Variants in CDH18 observed in about 807,000 individuals in gnomAD.
CDH18 encodes cadherin-18.
A neutral mutation model predicts 67.9 loss-of-function variants in CDH18; 31 were observed. The ratio of observed to expected loss-of-function variants is 0.46; its 90% confidence interval spans 0.34 to 0.62. CDH18 has a LOEUF of 0.62. Among genes scored for constraint, CDH18 ranks in the 20% least tolerant of loss-of-function variants. CDH18 has a pLI of 0.01. For missense variants in CDH18, 890 were observed against 975.5 expected (o/e 0.91, Z 1.17); for synonymous variants, 362 against 347.2 (o/e 1.04, Z -0.48).
intron 1 of CDH18, among the ~76,000 whole-genome samples, chr5:20,545,279 C>G (rs1283215955): frequency 6.6e-6 from 1 of 152,194 alleles, no homozygotes; most frequent in Non-Finnish European, 1.5e-5. Context: ...ATTGGATATA[C>G]ATTTCTGGGG....
At chr5:20,366,424 A>G (rs74856751) in intron 1 of CDH18, among the ~76,000 whole-genome samples, 6,775 of 152,134 alleles carry the variant, frequency 0.045, 268 homozygotes, top group South Asian at 0.16. Context: ...AACTATTGCG[A>G]TAACTTTTTA....
intron 4 of CDH18, among the ~76,000 whole-genome samples, chr5:19,744,503 TACACACACACACACACACAC>T (rs34059092): frequency 6.8e-6 from 1 of 146,270 alleles, no homozygotes; most frequent in Non-Finnish European, 1.5e-5. Context: ...TAACTCAGTG[TACACACACACACACACACAC>T]ACACACACAC....
intron 4 of CDH18, among the ~76,000 whole-genome samples, chr5:19,734,328 A>G (rs1304620002): frequency 6.6e-6 from 1 of 152,146 alleles, no homozygotes; most frequent in Non-Finnish European, 1.5e-5. Context: ...GTACCCTTCT[A>G]TTTCCAAAGC....
chr5:19,502,891 TG>T, intron 11 of CDH18, 100 bp downstream of exon 11: 1 of 790,700 alleles, frequency 1.3e-6, no homozygotes, highest in Admixed American at 1.7e-5. Flanking sequence ...CTTTGAATGC[TG>T]ATTTGCAAGA....
chr5:20,022,824 A>T lies in CDH18; in HGVS notation c.-517-30810T>A, dbSNP rs367928735. On this transcript the variant is annotated intron_variant, in intron 2 of 14. Coordinates refer to the CDH18 transcript ENST00000507958. ...TGTAGAAAGGAAAAATATTATGAAT[A>T]TGTAATTGACTTGATTTTCCAATGG... Among the ~76,000 whole-genome samples, 36 of 152,326 alleles carry T rather than the reference A, an allele frequency of 2.4e-4. No homozygotes were observed. In the East Asian group the frequency reaches 4.1e-3, roughly 17 times the overall value.
intron 11 of CDH18, among the ~76,000 whole-genome samples, chr5:19,486,571 C>G (rs1313507863): frequency 6.6e-6 from 1 of 152,054 alleles, no homozygotes; most frequent in Admixed American, 6.6e-5. Context: ...GCGGGTGGAT[C>G]AACTGAGGTC....
chr5:20,491,078 A>G (rs950894827), intron 1 of CDH18, among the ~76,000 whole-genome samples: 1 of 152,088 alleles, frequency 6.6e-6, no homozygotes, highest in African/African-American at 2.4e-5. Context: ...TTAAACTAAA[A>G]GCATACATTA....
chr5:20,414,287 T>TA (rs139049555), intron 1 of CDH18, among the ~76,000 whole-genome samples: 27,607 of 152,080 alleles, frequency 0.18, 3,140 homozygotes, highest in African/African-American at 0.31. Flanking sequence ...CAGGTGCTCA[T>TA]AAAAAATAAT....
intron 1 of CDH18, among the ~76,000 whole-genome samples, chr5:20,278,703 G>A (rs1745994484): frequency 6.6e-6 from 1 of 152,044 alleles, no homozygotes; most frequent in African/African-American, 2.4e-5. Context: ...ACAATACAAA[G>A]AACGAACAGT....
intron 2 of CDH18, among the ~76,000 whole-genome samples, chr5:20,116,435 G>C (rs1197026212): frequency 1.3e-5 from 2 of 151,778 alleles, no homozygotes; most frequent in Non-Finnish European, 2.9e-5. Context: ...AGAATCACTT[G>C]AACCCAAGAG....
intron 3 of CDH18, among the ~76,000 whole-genome samples, chr5:19,747,527 C>G (rs1042886193): frequency 6.6e-6 from 1 of 152,012 alleles, no homozygotes; most frequent in African/African-American, 2.4e-5. Flanking sequence ...ACTAAATCCA[C>G]ATTCCACTAA....
intron 2 of CDH18, among the ~76,000 whole-genome samples, chr5:20,182,860 T>A (rs1224921656): frequency 6.6e-6 from 1 of 151,934 alleles, no homozygotes; most frequent in Non-Finnish European, 1.5e-5. Context: ...CATTAACCAG[T>A]CTTAAGTATT....
At chr5:19,650,223 G>A (rs1281563620) in intron 5 of CDH18, among the ~76,000 whole-genome samples, 1 of 151,888 alleles carries the variant, frequency 6.6e-6, no homozygotes. Flanking sequence ...AATTAAGGTT[G>A]CTTTCTATGT....
At chr5:19,657,486 T>C (rs1756559419) in intron 5 of CDH18, among the ~76,000 whole-genome samples, 1 of 152,136 alleles carries the variant, frequency 6.6e-6, no homozygotes, top group African/African-American at 2.4e-5. Flanking sequence ...TTTTAGATAT[T>C]ATTTGAAATA....
At chr5:19,662,955 A>C (rs1035445059) in intron 5 of CDH18, among the ~76,000 whole-genome samples, 1 of 152,032 alleles carries the variant, frequency 6.6e-6, no homozygotes, top group Non-Finnish European at 1.5e-5. Context: ...TTGGTTAGAA[A>C]AGTTTAGGAG....
intron 2 of CDH18, among the ~76,000 whole-genome samples, chr5:19,842,246 A>G (rs554307962): frequency 3.3e-5 from 5 of 152,276 alleles, no homozygotes; most frequent in African/African-American, 9.6e-5. Flanking sequence ...TTAGGCACCA[A>G]TATGGTCTGG....
chr5:19,783,692 G>T (rs557264723), intron 3 of CDH18, among the ~76,000 whole-genome samples: 1 of 152,098 alleles, frequency 6.6e-6, no homozygotes, highest in African/African-American at 2.4e-5. Context: ...GTCTTTCGTT[G>T]GGGCTTGCTA....
chr5:20,053,934 G>A (rs1034636144), intron 2 of CDH18, among the ~76,000 whole-genome samples: 3 of 152,024 alleles, frequency 2.0e-5, no homozygotes, highest in Admixed American at 6.6e-5. Flanking sequence ...TGTTCCTGTG[G>A]AACCCTTTGC....
chr5:19,849,685 C>CAT (rs569759020), intron 2 of CDH18, among the ~76,000 whole-genome samples: 3,269 of 13,410 alleles, frequency 0.24, 642 homozygotes, highest in African/African-American at 0.32. Context: ...TATATATAAA[C>CAT]ATATATATAT....
Sources: gnomAD v4.1 joint callset for allele counts (sites outside exome capture counted in the v4.1 genomes callset) on GRCh38, gnomAD v4.1.1 for gene constraint, MANE v1.5 for transcripts, NCBI Gene and HGNC (gene_info 2026-07-23, HGNC 2026-07-21) for gene names.